Variants in PRKDC observed in about 807,000 individuals in gnomAD.
The protein encoded by PRKDC is DNA-dependent protein kinase catalytic subunit.
Under a neutral mutation model 486.9 loss-of-function variants are expected in PRKDC, and 82 were observed. That is an observed-to-expected ratio of 0.17 (90% confidence interval 0.14 to 0.20). The LOEUF (loss-of-function observed/expected upper bound fraction) is 0.20. Ranked by LOEUF, PRKDC falls within the 10% of genes least tolerant of loss-of-function variation. The pLI, the probability that PRKDC is intolerant of heterozygous loss-of-function variation, is 1.00. For missense variants in PRKDC, 4,504 were observed against 5,038.2 expected (o/e 0.89, Z 3.21); for synonymous variants, 1,895 against 1,837.0 (o/e 1.03, Z -0.81).
intron 66 of PRKDC, among the ~76,000 whole-genome samples, chr8:47,820,407 C>T (rs780929281): frequency 1.8e-4 from 28 of 151,776 alleles, no homozygotes; most frequent in South Asian, 4.2e-4. Flanking sequence ...AAAAAAACAC[C>T]CTACTCTCAA....
At chr8:47,940,673 G>A (rs2090429278) in intron 10 of PRKDC, among the ~76,000 whole-genome samples, 2 of 152,080 alleles carry the variant, frequency 1.3e-5, no homozygotes, top group Admixed American at 6.6e-5. Context: ...ATACTATAAT[G>A]CTAATTTTCT....
intron 19 of PRKDC, among the ~76,000 whole-genome samples, chr8:47,928,148 G>C (rs2090184618): frequency 6.6e-6 from 1 of 150,586 alleles, no homozygotes; most frequent in Non-Finnish European, 1.5e-5. Flanking sequence ...AAGAGAGCTT[G>C]AGGGACTTTT....
chr8:47,774,008 A>C lies in PRKDC; in HGVS notation c.*165T>G, dbSNP rs890320373. 3.0e-6 allele frequency: 2 copies of C among 668,352 alleles called. No homozygotes were observed. Among genetic ancestry groups the C allele is most frequent in the Non-Finnish European group, 4.9e-6 (2 of 405,798 alleles). The allele number at this position is 668,352 out of a possible 1,614,324, so 41.4% of individuals were successfully genotyped here. A position where few individuals can be genotyped will look rare whatever the true frequency, so the allele number is the denominator to read the frequency against. ...CTTATCTTTGATTTAACCCATACACATTTACTCATCATAATCTTGATTTAA... is the reference window on the plus strand; with the variant it reads ...CTTATCTTTGATTTAACCCATACACCTTTACTCATCATAATCTTGATTTAA... On this transcript the variant is annotated 3_prime_UTR_variant, in exon 86 of 86. Transcript: ENST00000314191.
At chr8:47,781,704 T>C (rs565808133) in intron 80 of PRKDC, among the ~76,000 whole-genome samples, 1 of 152,326 alleles carries the variant, frequency 6.6e-6, no homozygotes, top group Non-Finnish European at 1.5e-5. Context: ...CTAGAATTAC[T>C]AGTAATCCCA....
intron 24 of PRKDC, among the ~76,000 whole-genome samples, chr8:47,913,073 C>T (rs1457010640): frequency 1.3e-5 from 2 of 152,286 alleles, no homozygotes; most frequent in Non-Finnish European, 2.9e-5. Context: ...AGCAATAAAG[C>T]ATTTTAAAGT....
chr8:47,935,817 C>A lies in PRKDC; in HGVS notation c.1362G>T (p.Gln454His). The change falls in exon 13 of 86, where the codon CAG becomes CAT. Residue 454 changes from glutamine (Q) to histidine (H), a missense_variant. This residue lies in a region of PRKDC where 1,969 missense variants were observed against 2,068.9 expected (regional missense o/e 0.95). Coordinates refer to ENST00000314191, the MANE Select transcript of PRKDC (RefSeq NM_006904.7). ...DSFPQYSPKM[Q>H]LVCCRAIVKV... ...TCACTATGGCTCTGCAACACACCAG[C>A]TGCATTTTTGGACTGTACTGTGGGA... is the stretch of plus-strand genomic sequence containing the variant. 6.2e-7 allele frequency: 1 copy of A among 1,614,036 alleles called. No individual in the cohort carries two copies. The highest frequency in any genetic ancestry group is 1.1e-5 in the South Asian group (1 of 91,088).
At position 47,782,354 on chromosome 8, in the gene PRKDC, G is replaced by C; in HGVS notation, c.11396+24C>G. ...GCCAAGCAATATGCAGCAGCCTACT[G>C]GCTGGGAGCAGCCTGGCAGTTACCT... is the stretch of plus-strand genomic sequence containing the variant. On this transcript the variant is annotated intron_variant, in intron 79 of 85. Coordinates refer to ENST00000314191, the MANE Select transcript of PRKDC (RefSeq NM_006904.7). This position sits in a 1 kb window ranked among gnomAD's most constrained non-coding sequence, Gnocchi z 4.9. 1.9e-6 allele frequency: 3 copies of C among 1,608,522 alleles called. No homozygotes were observed. Among genetic ancestry groups the C allele is most frequent in the Non-Finnish European group, 2.5e-6 (3 of 1,177,206 alleles).
intron 42 of PRKDC, 115 bp from the exon 43 acceptor site, chr8:47,862,656 T>A (rs2088703493): frequency 2.9e-6 from 3 of 1,029,826 alleles, no homozygotes; most frequent in Admixed American, 2.9e-5. Context: ...AGGGTCAGGC[T>A]TGTGCCAGGC....
At chr8:47,869,934 C>A (rs1027661697) in intron 40 of PRKDC, among the ~76,000 whole-genome samples, 1 of 151,958 alleles carries the variant, frequency 6.6e-6, no homozygotes, top group African/African-American at 2.4e-5. Flanking sequence ...TGACCACAGG[C>A]AGAGACTTCT....
Position 47,828,154 on chromosome 8 carries a change from T to C in PRKDC, c.8577+14A>G, listed in dbSNP as rs559466980. The C allele has an allele frequency of 1.9e-6, 3 of 1,605,708 alleles. No homozygotes were observed. The East Asian group carries it at 6.7e-5, about 36-fold the overall frequency. The stretch of plus-strand genomic sequence containing the variant: ...CAAACAATGTATATTTGATGAAGTG[T>C]GTGCAGACTTTACCTGAATACAAGA... On this transcript the variant is annotated intron_variant, in intron 62 of 85. Transcript: ENST00000314191.
At chr8:47,817,616 G>T in intron 67 of PRKDC, 55 bp from the exon 68 acceptor site, 1 of 1,130,868 alleles carries the variant, frequency 8.8e-7, no homozygotes, top group South Asian at 1.5e-5. Flanking sequence ...AAGATCAAAT[G>T]ACAAAGGTCA....
intron 39 of PRKDC, 52 bp downstream of exon 39, chr8:47,879,439 C>G: frequency 6.9e-7 from 1 of 1,445,450 alleles, no homozygotes; most frequent in Non-Finnish European, 9.2e-7. Flanking sequence ...AGATATGTAA[C>G]AAGAAAAAAA....
intron 45 of PRKDC, among the ~76,000 whole-genome samples, chr8:47,860,454 G>C (rs1389641837): frequency 6.6e-6 from 1 of 152,112 alleles, no homozygotes; most frequent in East Asian, 1.9e-4. Flanking sequence ...GGAGGGAGTC[G>C]GCAGGTCAGG....
At chr8:47,936,234 C>T in intron 12 of PRKDC, 119 bp downstream of exon 12, 1 of 1,174,842 alleles carries the variant, frequency 8.5e-7, no homozygotes, top group Non-Finnish European at 1.2e-6. Flanking sequence ...AAAGTACTAA[C>T]TAAAACTGTC....
chr8:47,912,747 T>C (rs1235795838), intron 24 of PRKDC, among the ~76,000 whole-genome samples, 185 bp from the exon 25 acceptor site: 2 of 152,248 alleles, frequency 1.3e-5, no homozygotes, highest in Non-Finnish European at 2.9e-5. Flanking sequence ...TTCTGTTCAC[T>C]TTGTTTTTTT....
chr8:47,888,966 C>A (rs759554980), intron 33 of PRKDC, 48 bp downstream of exon 33: 7 of 1,558,610 alleles, frequency 4.5e-6, no homozygotes, highest in Non-Finnish European at 5.3e-6. Flanking sequence ...CATACTAGGG[C>A]CTGAAATTCC....
chr8:47,788,826 ATAT>A lies in PRKDC; in HGVS notation c.10902+77_10902+79del. On this transcript the variant is annotated intron_variant, in intron 76 of 85. Coordinates refer to ENST00000314191, the MANE Select transcript of PRKDC (RefSeq NM_006904.7). Reference sequence around the variant, plus strand: ...AAATTAATGATTACATTTAATACAAATATTATTACATTTAATAATGTAACTATT... The same window carrying A: ...AAATTAATGATTACATTTAATACAAATATTACATTTAATAATGTAACTATT... The A allele has an allele frequency of 1.7e-5, 21 of 1,267,792 alleles. 1 individual carries two copies. The highest frequency in any genetic ancestry group is 2.2e-5 in the Non-Finnish European group (21 of 961,132). 78.5% of individuals were successfully genotyped at this position (1,267,792 alleles called of 1,614,324 possible).
At chr8:47,783,461 G>A (rs2086734184) in intron 78 of PRKDC, among the ~76,000 whole-genome samples, 1 of 151,508 alleles carries the variant, frequency 6.6e-6, no homozygotes, top group South Asian at 2.1e-4. Context: ...GTGATGGCGT[G>A]CGCCTGTAAT....
rs2086563311 is a variant in PRKDC, at chr8:47,774,078, G to C, written c.*95C>G. 1.3e-5 allele frequency: 16 copies of C among 1,269,328 alleles called. 1 individual carries two copies. The South Asian group carries it at 2.2e-4, about 18-fold the overall frequency. The allele number at this position is 1,269,328 out of a possible 1,614,324, so 78.6% of individuals were successfully genotyped here. On this transcript the variant is annotated 3_prime_UTR_variant, in exon 86 of 86. Transcript: ENST00000314191. Reference sequence around the variant, plus strand: ...AGCACAAAAGACATTTCTCTTTAGTGTTTCAGGAAAATCAGCTCATGGAAT... The same window carrying C: ...AGCACAAAAGACATTTCTCTTTAGTCTTTCAGGAAAATCAGCTCATGGAAT...
Sources: gnomAD v4.1 joint callset for allele counts (sites outside exome capture counted in the v4.1 genomes callset) on GRCh38, gnomAD v4.1.1 for gene constraint, gnomAD v4.1.1 regional missense constraint, Gnocchi (gnomAD v3.1) non-coding constraint, MANE v1.5 for transcripts, NCBI Gene and HGNC (gene_info 2026-07-23, HGNC 2026-07-21) for gene names.